The following NR6A1 variants were observed in gnomAD, a reference collection of about 807,000 sequenced individuals.
The protein encoded by NR6A1 is nuclear receptor subfamily 6 group A member 1.
A neutral mutation model predicts 59.1 loss-of-function variants in NR6A1; 7 were observed. The ratio of observed to expected loss-of-function variants is 0.12; its 90% CI spans 0.07 to 0.22. The LOEUF (loss-of-function observed/expected upper bound fraction) is 0.22, where lower values mean the gene tolerates loss of function less well. NR6A1 is among the 10% of genes least tolerant of loss of function. The pLI is 1.00. For synonymous variants in NR6A1, 243 were observed against 236.1 expected (o/e 1.03, Z -0.27); for missense variants, 468 against 611.6 (o/e 0.77, Z 2.48).
At chr9:124,593,443 A>C (rs1835185252) in intron 2 of NR6A1, among the ~76,000 whole-genome samples, 1 of 152,180 alleles carries the variant, frequency 6.6e-6, no homozygotes, top group Non-Finnish European at 1.5e-5. Context: ...AGAGAGGGGG[A>C]GAGAGAGAAG....
intron 6 of NR6A1, among the ~76,000 whole-genome samples, chr9:124,537,312 C>A (rs1265047669): frequency 6.6e-6 from 1 of 152,154 alleles, no homozygotes; most frequent in Non-Finnish European, 1.5e-5. Flanking sequence ...TCGTCTGGAA[C>A]TCGTGACCTG....
chr9:124,734,644 G>C (rs1367319218), intron 1 of NR6A1, among the ~76,000 whole-genome samples: 2 of 152,150 alleles, frequency 1.3e-5, no homozygotes, highest in African/African-American at 2.4e-5. Context: ...AGTGAGCCGA[G>C]ATTGAACCAT....
intron 3 of NR6A1, among the ~76,000 whole-genome samples, chr9:124,552,557 G>A (rs1300960619): frequency 2.0e-5 from 3 of 152,200 alleles, no homozygotes; most frequent in Non-Finnish European, 4.4e-5. Flanking sequence ...TGGTAGACAT[G>A]TGAAGCAGTA....
rs1162370435 is a variant in NR6A1 at position 124,521,654 on chromosome 9, G to C, written c.*1051C>G. ...GGGGAGAGGAACAGATTTCAAAAGG[G>C]GAGTGTCTATTCTTTTTGCAGTCTG... is the stretch of plus-strand genomic sequence containing the variant. On this transcript the variant is annotated 3_prime_UTR_variant, in exon 10 of 10. Coordinates refer to ENST00000487099, the MANE Select transcript of NR6A1 (RefSeq NM_033334.4). The C allele has an allele frequency of 6.6e-6, 1 of 152,236 alleles. No individual in the cohort carries two copies. Among genetic ancestry groups the C allele is most frequent in the Non-Finnish European group, 1.5e-5 (1 of 68,072 alleles). The allele number at this position is 152,236 out of a possible 1,614,324, so 9.4% of individuals were successfully genotyped here. A position where few individuals can be genotyped will look rare whatever the true frequency, so the allele number is the denominator to read the frequency against.
At chr9:124,765,961 G>A (rs1189564552) in intron 1 of NR6A1, among the ~76,000 whole-genome samples, 1 of 152,098 alleles carries the variant, frequency 6.6e-6, no homozygotes, top group Admixed American at 6.5e-5. Flanking sequence ...CTTACTAAGG[G>A]TGTTACAGTC....
At chr9:124,675,740 G>C (rs1837936595) in intron 2 of NR6A1, among the ~76,000 whole-genome samples, 1 of 152,112 alleles carries the variant, frequency 6.6e-6, no homozygotes, top group African/African-American at 2.4e-5. Context: ...AAATATGATG[G>C]TTAGCAACAG....
chr9:124,597,236 T>C (rs745858082), intron 2 of NR6A1, among the ~76,000 whole-genome samples: 1 of 152,082 alleles, frequency 6.6e-6, no homozygotes, highest in Non-Finnish European at 1.5e-5. Context: ...GCCACTGCCA[T>C]GACACACTTT....
At chr9:124,717,753 G>T (rs1235588840) in intron 2 of NR6A1, among the ~76,000 whole-genome samples, 3 of 152,156 alleles carry the variant, frequency 2.0e-5, no homozygotes, top group Non-Finnish European at 4.4e-5. Flanking sequence ...TGGACTTTGG[G>T]ATCACACAGG....
chr9:124,537,721 C>T (rs2131349418), intron 6 of NR6A1, among the ~76,000 whole-genome samples: 1 of 152,298 alleles, frequency 6.6e-6, no homozygotes, highest in Middle Eastern at 3.4e-3. Flanking sequence ...AGGCTACAAC[C>T]AGCCAGGGCT....
At chr9:124,523,671 A>G (rs1413172625) in intron 9 of NR6A1, among the ~76,000 whole-genome samples, 1 of 152,166 alleles carries the variant, frequency 6.6e-6, no homozygotes, top group Non-Finnish European at 1.5e-5. Flanking sequence ...CTAGCTTAGA[A>G]AATACTGAGA....
At chr9:124,543,484 T>G (rs1290904399) in intron 4 of NR6A1, among the ~76,000 whole-genome samples, 1 of 152,244 alleles carries the variant, frequency 6.6e-6, no homozygotes, top group East Asian at 1.9e-4. Flanking sequence ...CTTGCTCATT[T>G]CTGCCAGGCT....
chr9:124,537,335 C>T lies in NR6A1; in HGVS notation c.824+757G>A, dbSNP rs527769945. The stretch of plus-strand genomic sequence containing the variant: ...AACTCGTGACCTGGTGATCCGCCCA[C>T]CTAGGCCTTCCAAAGTGCTGGGATT... On this transcript the variant is annotated intron_variant, in intron 6 of 9. Transcript: ENST00000487099. 7.9e-5 allele frequency among the ~76,000 whole-genome samples: 12 copies of T among 152,314 alleles called. No individual in the cohort carries two copies. In the South Asian group the frequency reaches 2.3e-3, roughly 29 times the overall value.
At chr9:124,711,501 A>C (rs1460862976) in intron 2 of NR6A1, among the ~76,000 whole-genome samples, 3 of 151,704 alleles carry the variant, frequency 2.0e-5, no homozygotes, top group Non-Finnish European at 4.4e-5. Context: ...CAAGGAATGG[A>C]GTGTCAGACC....
intron 2 of NR6A1, among the ~76,000 whole-genome samples, chr9:124,603,503 TC>T (rs948837180): frequency 6.6e-6 from 1 of 152,220 alleles, no homozygotes; most frequent in African/African-American, 2.4e-5. Flanking sequence ...GACTAAATCT[TC>T]CAACAATGAA....
Position 124,703,202 on chromosome 9 carries a change from G to A in NR6A1, c.142+30106C>T, listed in dbSNP as rs949772234. ...TTACAGGCGTGAGCCACCACACACGGCCACATTTTTTTTTTTTTTTTTTTT... is the reference window on the plus strand; with the variant it reads ...TTACAGGCGTGAGCCACCACACACGACCACATTTTTTTTTTTTTTTTTTTT... On this transcript the variant is annotated intron_variant, in intron 2 of 9. Coordinates refer to ENST00000487099, the MANE Select transcript of NR6A1 (RefSeq NM_033334.4). Among the ~76,000 whole-genome samples, 3 of 143,708 alleles carry A rather than the reference G, an allele frequency of 2.1e-5. No homozygotes were observed. In the Middle Eastern group the frequency reaches 0.011, roughly 532 times the overall value. The allele number at this position is 143,708 out of a possible 152,430, so 94.3% of individuals were successfully genotyped here.
Position 124,771,233 on chromosome 9 carries a change from G to A in NR6A1, c.-114C>T, listed in dbSNP as rs1841155045. Reference sequence around the variant, plus strand: ...GGTTGTCAGGAGCCCGCGAGCTCCCGGCCGCGGCTCTCTCTGGGCCCCGAG... The same window carrying A: ...GGTTGTCAGGAGCCCGCGAGCTCCCAGCCGCGGCTCTCTCTGGGCCCCGAG... On this transcript the variant is annotated 5_prime_UTR_variant, in exon 1 of 10. Coordinates refer to ENST00000487099, the MANE Select transcript of NR6A1 (RefSeq NM_033334.4). 1.9e-6 allele frequency: 1 copy of A among 536,562 alleles called. No individual in the cohort carries two copies. Among genetic ancestry groups the A allele is most frequent in the Non-Finnish European group, 2.8e-6 (1 of 354,416 alleles). 33.2% of individuals were successfully genotyped at this position (536,562 alleles called of 1,614,324 possible). A position where few individuals can be genotyped will look rare whatever the true frequency, so the allele number is the denominator to read the frequency against.
chr9:124,672,146 T>C (rs1194928322), intron 2 of NR6A1, among the ~76,000 whole-genome samples: 1 of 152,236 alleles, frequency 6.6e-6, no homozygotes, highest in African/African-American at 2.4e-5. Context: ...GTGCCCTTAT[T>C]ACTACTGTGC....
intron 1 of NR6A1, among the ~76,000 whole-genome samples, chr9:124,757,551 C>T (rs1840669269): frequency 6.6e-6 from 1 of 150,980 alleles, no homozygotes; most frequent in Non-Finnish European, 1.5e-5. Flanking sequence ...ATTTTCCCTT[C>T]GTTTTCCATA....
In NR6A1 at chr9:124,740,936, C is replaced by G. The variant is rs548934426; in HGVS notation, c.101-7587G>C. 1.1e-4 allele frequency among the ~76,000 whole-genome samples: 16 copies of G among 152,222 alleles called. No individual in the cohort carries two copies. In the South Asian group the frequency reaches 3.3e-3, roughly 32 times the overall value. On this transcript the variant is annotated intron_variant, in intron 1 of 9. Transcript: ENST00000487099. ...ATGTTTGAAGAACTGTTTCTTTCAC[C>G]AGAAGACAATAATGGTAAGCTACAA...
Sources: gnomAD v4.1 joint callset for allele counts (sites outside exome capture counted in the v4.1 genomes callset) on GRCh38, gnomAD v4.1.1 for gene constraint, MANE v1.5 for transcripts, NCBI Gene and HGNC (gene_info 2026-07-23, HGNC 2026-07-21) for gene names.